Variants in ZPBP observed in about 807,000 individuals in gnomAD.
ZPBP encodes zona pellucida binding protein, also known as zona pellucida-binding protein 1.
In ZPBP, 26 loss-of-function variants were observed where a neutral mutation model predicts 44.8. The observed-to-expected ratio is 0.58, with a 90% CI of 0.43 to 0.81. The LOEUF is 0.81. Among genes scored for constraint, ZPBP ranks in the 30% least tolerant of loss-of-function variants. The pLI, the probability that ZPBP is intolerant of heterozygous loss-of-function variation, is 0.00. For missense variants in ZPBP, 409 were observed against 434.0 expected, an observed-to-expected ratio of 0.94 and a Z score of 0.51; for synonymous variants, 174 against 153.2, an observed-to-expected ratio of 1.14 and a Z score of -1.00.
intron 2 of ZPBP, among the ~76,000 whole-genome samples, chr7:49,856,209 A>G (rs2128718413): frequency 6.6e-6 from 1 of 152,288 alleles, no homozygotes; most frequent in East Asian, 1.9e-4. Flanking sequence ...GATGGGGCCT[A>G]GTGGGAGGTG....
chr7:49,854,091 C>T (rs1790314185), intron 2 of ZPBP, among the ~76,000 whole-genome samples: 1 of 152,052 alleles, frequency 6.6e-6, no homozygotes, highest in Non-Finnish European at 1.5e-5. Flanking sequence ...ATATGTGCCA[C>T]ATTTTCTTAA....
intron 2 of ZPBP, among the ~76,000 whole-genome samples, chr7:49,867,739 T>C (rs1261916438): frequency 6.6e-6 from 1 of 152,202 alleles, no homozygotes; most frequent in African/African-American, 2.4e-5. Context: ...GCTACAAAAG[T>C]ACAAACAGCA....
At chr7:49,879,689 C>T (rs1791588690) in intron 2 of ZPBP, among the ~76,000 whole-genome samples, 1 of 152,054 alleles carries the variant, frequency 6.6e-6, no homozygotes, top group Admixed American at 6.6e-5. Flanking sequence ...ATCTCTCCAT[C>T]CTAGTACATA....
intron 1 of ZPBP, 104 bp downstream of exon 1, chr7:50,092,964 T>G: frequency 1.4e-6 from 2 of 1,443,932 alleles, no homozygotes; most frequent in Non-Finnish European, 1.8e-6. Flanking sequence ...GAGCAAGGTG[T>G]CTCTATATAA....
At chr7:49,980,007 AT>A (rs1486210365) in intron 7 of ZPBP, among the ~76,000 whole-genome samples, 1 of 97,360 alleles carries the variant, frequency 1.0e-5, no homozygotes, top group East Asian at 2.7e-4. Context: ...TATATATTAT[AT>A]ATATTATAAT....
intron 2 of ZPBP, among the ~76,000 whole-genome samples, chr7:49,872,915 C>CAAAAA (rs61473396): frequency 0.27 from 9,173 of 33,658 alleles, 2,123 homozygotes; most frequent in Non-Finnish European, 0.33. Context: ...GACTTTGTCT[C>CAAAAA]AAAAAAAAAA....
chr7:49,940,256 G>A (rs1794816165), intron 7 of ZPBP, among the ~76,000 whole-genome samples: 1 of 152,006 alleles, frequency 6.6e-6, no homozygotes, highest in Non-Finnish European at 1.5e-5. Context: ...ATGGTCTTTT[G>A]TTAACGACAG....
chr7:49,888,128 A>T (rs1791976527), intron 2 of ZPBP, among the ~76,000 whole-genome samples: 1 of 152,198 alleles, frequency 6.6e-6, no homozygotes, highest in African/African-American at 2.4e-5. Context: ...AGTAGCTCAA[A>T]ATTGGCCTTG....
chr7:49,990,665 C>CA (rs1014123631), intron 6 of ZPBP, among the ~76,000 whole-genome samples: 95 of 144,224 alleles, frequency 6.6e-4, no homozygotes, highest in Non-Finnish European at 1.0e-3. Flanking sequence ...GTTCAGGAAA[C>CA]AAAAAAAAAA....
intron 2 of ZPBP, among the ~76,000 whole-genome samples, chr7:49,865,991 C>G (rs911695905): frequency 6.6e-6 from 1 of 152,216 alleles, no homozygotes; most frequent in African/African-American, 2.4e-5. Context: ...AAGACTTTTA[C>G]AGCCATACCT....
chr7:49,906,632 A>G (rs1322603808), intron 1 of ZPBP, among the ~76,000 whole-genome samples: 1 of 152,212 alleles, frequency 6.6e-6, no homozygotes, highest in East Asian at 1.9e-4. Flanking sequence ...CACCGCACCC[A>G]GCCAACTGTC....
rs75011837 is a variant in ZPBP at position 49,891,873 on chromosome 7, TGATA to T, written n.509+9241_509+9244del. Among the ~76,000 whole-genome samples the T allele has an allele frequency of 2.5e-3, 386 of 152,290 alleles. 4 individuals carry two copies. Among genetic ancestry groups the T allele is most frequent in the Non-Finnish European group, 4.6e-3 (312 of 68,014 alleles). On this transcript the variant is annotated intron_variant and non_coding_transcript_variant, in intron 2 of 2. Coordinates refer to the ZPBP transcript ENST00000465922. Reference sequence around the variant, plus strand: ...CTATAGTACTCTAACTTTCTGCTATTGATAGATACTTTAAAGTAAATATCTATCA... The same window carrying T: ...CTATAGTACTCTAACTTTCTGCTATTGATACTTTAAAGTAAATATCTATCA...
At chr7:49,868,681 G>A (rs1236204421) in intron 2 of ZPBP, among the ~76,000 whole-genome samples, 3 of 152,146 alleles carry the variant, frequency 2.0e-5, no homozygotes, top group South Asian at 2.1e-4. Context: ...GCAATGGCAC[G>A]ATCTTGGCTC....
At chr7:49,843,306 G>A in the ZPBP span, among the ~76,000 whole-genome samples, 1 of 152,142 alleles carries the variant, frequency 6.6e-6, no homozygotes, top group East Asian at 1.9e-4. Context: ...CTTTCCTGAT[G>A]GCTCCAGGAA....
chr7:49,850,467 A>C (rs1158203911), downstream of ZPBP: 1 of 152,198 alleles, frequency 6.6e-6, no homozygotes, highest in Non-Finnish European at 1.5e-5. Flanking sequence ...CTATGGAAGG[A>C]GTGGTAGCTT....
At chr7:50,081,637 C>T in intron 3 of ZPBP, 137 bp downstream of exon 3, 5 of 1,071,858 alleles carry the variant, frequency 4.7e-6, no homozygotes, top group Non-Finnish European at 6.8e-6. Flanking sequence ...ACATTGTTAG[C>T]TCTAACTCCA....
At chr7:50,052,372 T>C (rs1396944062) in intron 4 of ZPBP, among the ~76,000 whole-genome samples, 1 of 152,124 alleles carries the variant, frequency 6.6e-6, no homozygotes, top group Non-Finnish European at 1.5e-5. Context: ...TTAGAAATTA[T>C]AGAAATGCAA....
intron 5 of ZPBP, among the ~76,000 whole-genome samples, chr7:50,024,334 A>G (rs1189388884): frequency 1.3e-5 from 2 of 152,006 alleles, no homozygotes; most frequent in East Asian, 3.9e-4. Flanking sequence ...TGAAACCACA[A>G]CCTCATACAT....
Position 49,943,520 on chromosome 7 carries a change from A to G in ZPBP, c.962-5898T>C, listed in dbSNP as rs1445850353. The G allele has an allele frequency of 2.5e-5, 10 of 400,200 alleles. No homozygotes were observed. The East Asian group carries it at 7.3e-4, about 29-fold the overall frequency. The allele number at this position is 400,200 out of a possible 1,614,324, so 24.8% of individuals were successfully genotyped here. Reference sequence around the variant, plus strand: ...ACACTCATCTGTTTCTTGTCAGTGTACAACTTTCCAAACTGCCACAGAAGC... The same window carrying G: ...ACACTCATCTGTTTCTTGTCAGTGTGCAACTTTCCAAACTGCCACAGAAGC... On this transcript the variant is annotated intron_variant, in intron 7 of 7. Coordinates refer to ENST00000046087, the MANE Select transcript of ZPBP (RefSeq NM_007009.3).
Sources: gnomAD v4.1 joint callset for allele counts (sites outside exome capture counted in the v4.1 genomes callset) on GRCh38, gnomAD v4.1.1 for gene constraint, MANE v1.5 for transcripts, NCBI Gene and HGNC (gene_info 2026-07-23, HGNC 2026-07-21) for gene names.